DOCK5: variants seen among roughly 807,000 people sequenced by gnomAD.
DOCK5 encodes the protein dedicator of cytokinesis 5.
In DOCK5, 142 loss-of-function variants were observed where a neutral mutation model predicts 251.8. The ratio of observed to expected loss-of-function variants is 0.56; its 90% confidence interval spans 0.49 to 0.65. The LOEUF (loss-of-function observed/expected upper bound fraction) is 0.65. Ranked by LOEUF, DOCK5 falls within the 30% of genes least tolerant of loss-of-function variation. The pLI, the probability that DOCK5 is intolerant of heterozygous loss-of-function variation, is 0.00. For synonymous variants in DOCK5, 842 were observed against 835.5 expected, an observed-to-expected ratio of 1.01 and a Z score of -0.13; for missense variants, 2,111 against 2,312.3, an observed-to-expected ratio of 0.91 and a Z score of 1.79.
intron 36 of DOCK5, 108 bp downstream of exon 36, chr8:25,373,766 C>CCCCTAAAAGTACATGATA: frequency 9.5e-7 from 1 of 1,054,770 alleles, no homozygotes; most frequent in Non-Finnish European, 1.4e-6. Context: ...CTTTGAGAGA[C>CCCCTAAAAGTACATGATA]CCCTAAAAGT....
At chr8:25,277,540 AG>A (rs1254968616) in intron 4 of DOCK5, 3 of 152,032 alleles carry the variant, frequency 2.0e-5, no homozygotes, top group African/African-American at 7.3e-5. Flanking sequence ...TTCATAGACA[AG>A]TGGTCAAGAT....
intron 1 of DOCK5, among the ~76,000 whole-genome samples, chr8:25,233,205 GTT>G (rs1210873908): frequency 2.6e-5 from 4 of 152,018 alleles, no homozygotes; most frequent in Non-Finnish European, 2.9e-5. Flanking sequence ...TCACTTATCT[GTT>G]TCTCTCCTCT....
In DOCK5 at chr8:25,325,571, A is replaced by G. The variant is rs1481403232; in HGVS notation, c.1903+24A>G. On this transcript the variant is annotated intron_variant, in intron 18 of 51. Transcript: ENST00000276440. ...TGGTAGGAGTGGTGAATACACTGAC[A>G]CAAATAAGCTTCTTGCTCAGCCTTT... The G allele has an allele frequency of 8.1e-6, 13 of 1,608,482 alleles. No homozygotes were observed. The South Asian group carries it at 1.3e-4, about 16-fold the overall frequency.
chr8:25,386,594 T>C (rs566066572), intron 40 of DOCK5, among the ~76,000 whole-genome samples: 33 of 151,978 alleles, frequency 2.2e-4, no homozygotes, highest in Non-Finnish European at 4.0e-4. Context: ...TGAGACCCTG[T>C]CTCAAAAAAT....
Position 25,387,204 on chromosome 8 carries a change from A to AGAGAT in DOCK5, c.4132-1884_4132-1883insATGAG, listed in dbSNP as rs112955158. Among the ~76,000 whole-genome samples the AGAGAT allele has an allele frequency of 1.3e-3, 198 of 149,104 alleles. 2 individuals carry two copies. The highest frequency in any genetic ancestry group is 4.5e-3 in the African/African-American group (183 of 40,386). ...CCAGTGACTTTTTTTTTTTTTTTTA[A>AGAGAT]GAGGTCTCGCTCTGTCATCCAGGCT... On this transcript the variant is annotated intron_variant, in intron 40 of 51. Transcript: ENST00000276440.
intron 30 of DOCK5, among the ~76,000 whole-genome samples, chr8:25,365,879 TATACACAC>T (rs1800765773): frequency 6.6e-6 from 1 of 152,184 alleles, no homozygotes; most frequent in South Asian, 2.1e-4. Flanking sequence ...TAGAGGAAAG[TATACACAC>T]ATACACACAC....
At chr8:25,336,131 T>A in intron 21 of DOCK5, 108 bp from the exon 22 acceptor site, 1 of 1,232,826 alleles carries the variant, frequency 8.1e-7, no homozygotes, top group South Asian at 1.5e-5. Flanking sequence ...ATATAATTAG[T>A]TATGACTTCT....
At position 25,325,555 on chromosome 8, in the gene DOCK5, T is replaced by G; in HGVS notation, c.1903+8T>G. On this transcript the variant is annotated splice_region_variant and intron_variant, in intron 18 of 51. Coordinates refer to ENST00000276440, the MANE Select transcript of DOCK5 (RefSeq NM_024940.8). ...CAAAGCTCACCCAGAATGGTAGGAG[T>G]GGTGAATACACTGACACAAATAAGC... 1 of 1,612,168 alleles carries G rather than the reference T, an allele frequency of 6.2e-7. No homozygotes were observed. The highest frequency in any genetic ancestry group is 1.3e-5 in the African/African-American group (1 of 74,812).
chr8:25,362,457 C>CT (rs767571076), intron 28 of DOCK5, among the ~76,000 whole-genome samples: 4 of 87,740 alleles, frequency 4.6e-5, no homozygotes, highest in Admixed American at 1.3e-4. Context: ...CTTTTCTTTT[C>CT]TTTTCTTTTT....
chr8:25,407,864 CAAAAAAAAAA>C (rs10606113), intron 48 of DOCK5, 109 bp from the exon 49 acceptor site: 36 of 987,918 alleles, frequency 3.6e-5, no homozygotes, highest in Middle Eastern at 3.4e-4. Flanking sequence ...GACCCTGTCT[CAAAAAAAAAA>C]AAAAAAAAAA....
intron 45 of DOCK5, 35 bp from the exon 46 acceptor site, chr8:25,399,876 T>C (rs759730385): frequency 6.6e-7 from 1 of 1,516,256 alleles, no homozygotes; most frequent in African/African-American, 1.4e-5. Flanking sequence ...GATAGGAATG[T>C]GTTCTAATTA....
chr8:25,312,137 T>G (rs1008311925), intron 13 of DOCK5, among the ~76,000 whole-genome samples: 1 of 152,164 alleles, frequency 6.6e-6, no homozygotes. Flanking sequence ...TTGCTTATTT[T>G]GTCCATTACA....
chr8:25,220,634 C>G (rs1238600584), intron 1 of DOCK5, among the ~76,000 whole-genome samples: 1 of 152,120 alleles, frequency 6.6e-6, no homozygotes, highest in African/African-American at 2.4e-5. Flanking sequence ...TTGTTTGAGA[C>G]AGAGCCTTGC....
rs11314754 is a variant in DOCK5, at chr8:25,240,277, TAA to T, written c.44-3383_44-3382del. ...AGTGAGGGTAAGAAGTAAATCTACTTAAAAAAAAAAAAAAACCAGCTTCCGTC... is the reference window on the plus strand; with the variant it reads ...AGTGAGGGTAAGAAGTAAATCTACTTAAAAAAAAAAAAACCAGCTTCCGTC... On this transcript the variant is annotated intron_variant, in intron 1 of 51. Coordinates refer to ENST00000276440, the MANE Select transcript of DOCK5 (RefSeq NM_024940.8). Among the ~76,000 whole-genome samples the T allele has an allele frequency of 6.3e-3, 846 of 134,536 alleles. 10 individuals carry two copies. The highest frequency in any genetic ancestry group is 0.022 in the African/African-American group (809 of 37,112). The allele number at this position is 134,536 out of a possible 152,430, so 88.3% of individuals were successfully genotyped here. A position where few individuals can be genotyped will look rare whatever the true frequency, so the allele number is the denominator to read the frequency against.
chr8:25,233,502 A>G lies in DOCK5; in HGVS notation c.44-10172A>G, dbSNP rs551702281. On this transcript the variant is annotated intron_variant, in intron 1 of 51. Coordinates refer to ENST00000276440, the MANE Select transcript of DOCK5 (RefSeq NM_024940.8). ...GCTGAAAGATCTTGGTTCCAAAGAC[A>G]TGACCAATAGTTGCTCGTTGTTTCT... 5.0e-4 allele frequency among the ~76,000 whole-genome samples: 76 copies of G among 152,316 alleles called. 1 individual carries two copies. The highest frequency in any genetic ancestry group is 1.7e-3 in the African/African-American group (71 of 41,568).
At chr8:25,267,866 A>G (rs1035588086) in intron 2 of DOCK5, among the ~76,000 whole-genome samples, 1 of 146,226 alleles carries the variant, frequency 6.8e-6, no homozygotes. Context: ...CTTTATTGGA[A>G]TTTTTTTTTT....
Position 25,411,456 on chromosome 8 carries a change from G to A in DOCK5, c.*158G>A, listed in dbSNP as rs184341254. On this transcript the variant is annotated 3_prime_UTR_variant, in exon 52 of 52. Transcript: ENST00000276440. ...CAAAACCAGTCATGTTCTTCCAAAA[G>A]CTTCTCTTTGATAGAATTTTGAGGC... is the stretch of plus-strand genomic sequence containing the variant. 1.0e-4 allele frequency: 110 copies of A among 1,094,122 alleles called. No homozygotes were observed. The African/African-American group carries it at 1.6e-3, about 16-fold the overall frequency. 67.8% of individuals were successfully genotyped at this position (1,094,122 alleles called of 1,614,324 possible).
intron 1 of DOCK5, among the ~76,000 whole-genome samples, chr8:25,207,097 A>T (rs1802018495): frequency 6.6e-6 from 1 of 152,198 alleles, no homozygotes; most frequent in African/African-American, 2.4e-5. Flanking sequence ...AACTCAGGGT[A>T]CTTTGCAGAG....
At chr8:25,260,354 A>ACCCCCCCC (rs200471079) in intron 2 of DOCK5, among the ~76,000 whole-genome samples, 1 of 135,104 alleles carries the variant, frequency 7.4e-6, no homozygotes, top group African/African-American at 2.8e-5. Context: ...GGTGCCGCCC[A>ACCCCCCCC]CCCCCGCCCA....
Sources: gnomAD v4.1 joint callset for allele counts (sites outside exome capture counted in the v4.1 genomes callset) on GRCh38, gnomAD v4.1.1 for gene constraint, MANE v1.5 for transcripts, NCBI Gene and HGNC (gene_info 2026-07-23, HGNC 2026-07-21) for gene names.